Variants in KIF25 observed in about 807,000 individuals in gnomAD.
KIF25 encodes the protein kinesin-like protein KIF25.
Under a neutral mutation model 32.9 loss-of-function variants are expected in KIF25, and 19 were observed. The observed-to-expected ratio is 0.58, with a 90% CI of 0.40 to 0.85. The LOEUF is 0.85. KIF25 is among the 40% of genes least tolerant of loss of function. The pLI is 0.00. For synonymous variants in KIF25, 225 were observed against 213.7 expected (o/e 1.05, Z -0.46); for missense variants, 485 against 507.0 (o/e 0.96, Z 0.42).
chr6:168,026,212 G>A (rs964604039), intron 5 of KIF25, among the ~76,000 whole-genome samples: 5 of 152,192 alleles, frequency 3.3e-5, no homozygotes, highest in African/African-American at 2.4e-5. Context: ...CTCGGGGATC[G>A]TGTGACCTTG....
chr6:168,016,715 A>C (rs1798719421), intron 4 of KIF25, among the ~76,000 whole-genome samples: 1 of 152,218 alleles, frequency 6.6e-6, no homozygotes, highest in Non-Finnish European at 1.5e-5. Context: ...TGCATTTGAG[A>C]AAGATTTCTA....
At chr6:168,020,992 T>C (rs923110241) in intron 5 of KIF25, among the ~76,000 whole-genome samples, 1 of 152,178 alleles carries the variant, frequency 6.6e-6, no homozygotes, top group Non-Finnish European at 1.5e-5. Context: ...TGATAAAATT[T>C]ATATGGAAAG....
Position 168,027,382 on chromosome 6 carries a change from A to T in KIF25, c.-94-2110A>T, listed in dbSNP as rs62426269. Among the ~76,000 whole-genome samples, 857 of 148,682 alleles carry T rather than the reference A, an allele frequency of 5.8e-3. 7 individuals are homozygous for T. The Middle Eastern group carries it at 0.062, about 11-fold the overall frequency. On this transcript the variant is annotated intron_variant, in intron 5 of 12. Transcript: ENST00000643607. ...GCAGGGAGAATCGATTGAACCAAGG[A>T]GACAGAGGTTGCAGTGAGCTGAGAT...
chr6:168,016,022 G>C (rs1007898970), intron 4 of KIF25, among the ~76,000 whole-genome samples: 9 of 152,164 alleles, frequency 5.9e-5, no homozygotes, highest in Non-Finnish European at 1.0e-4. Flanking sequence ...GTTCATACTG[G>C]AGCACTAGGA....
intron 8 of KIF25, among the ~76,000 whole-genome samples, chr6:168,037,484 G>A (rs1203278215): frequency 6.6e-6 from 1 of 152,240 alleles, no homozygotes; most frequent in African/African-American, 2.4e-5. Context: ...GTAGAGAGGC[G>A]GTCACCTCCA....
chr6:168,032,071 C>T (rs868820755), intron 7 of KIF25, among the ~76,000 whole-genome samples: 4 of 152,276 alleles, frequency 2.6e-5, no homozygotes, highest in Non-Finnish European at 5.9e-5. Context: ...CAGAGGAAGC[C>T]TTTAGGTAGC....
chr6:168,042,728 C>T lies in KIF25; in HGVS notation c.985+12C>T. On this transcript the variant is annotated intron_variant, in intron 12 of 12. Transcript: ENST00000643607. ...TCAGGACTGCCTCGGTAACCGTTTT[C>T]CCCAAAATGCCCCAGGATGGGGGAC... 2 of 1,602,330 alleles carry T rather than the reference C, an allele frequency of 1.2e-6. No individual in the cohort carries two copies. The highest frequency in any genetic ancestry group is 1.7e-6 in the Non-Finnish European group (2 of 1,176,262).
intron 4 of KIF25, among the ~76,000 whole-genome samples, chr6:168,013,933 TG>T (rs1422894234): frequency 6.6e-6 from 1 of 152,082 alleles, no homozygotes; most frequent in Non-Finnish European, 1.5e-5. Flanking sequence ...GGTCCTTTCT[TG>T]GGCAGAGGGA....
At chr6:168,004,992 C>G (rs541875961) in intron 4 of KIF25, among the ~76,000 whole-genome samples, 1 of 152,306 alleles carries the variant, frequency 6.6e-6, no homozygotes, top group African/African-American at 2.4e-5. Context: ...GACTGCCTGG[C>G]TTCTCTAGTA....
Position 168,042,046 on chromosome 6 carries a change from C to T in KIF25, c.724C>T (p.Gln242Ter), listed in dbSNP as rs200195050. Reference sequence around the variant, plus strand: ...GGCAGGAAGGAGCCGCAGAGCTTCTCAAGGGGCCTTGGCTCCACAGCTGGT... The same window carrying T: ...GGCAGGAAGGAGCCGCAGAGCTTCTTAAGGGGCCTTGGCTCCACAGCTGGT... ...GRAGRSRRAS[Q>*]GALAPQLVPG... Residue 242 changes from glutamine to a stop codon, truncating the protein, a stop_gained, in exon 11 of 13, where the codon CAA becomes TAA. Transcript: ENST00000643607. LOFTEE classifies it high-confidence loss of function. 3.8e-5 allele frequency: 59 copies of T among 1,551,456 alleles called. No homozygotes were observed. The highest frequency in any genetic ancestry group is 4.4e-6 in the Non-Finnish European group (5 of 1,147,170).
intron 5 of KIF25, among the ~76,000 whole-genome samples, chr6:168,019,586 CA>C (rs1469629819): frequency 2.0e-5 from 3 of 152,138 alleles, no homozygotes; most frequent in African/African-American, 7.2e-5. Flanking sequence ...AGCGAGTGGA[CA>C]GAGTGGGCTC....
intron 6 of KIF25, among the ~76,000 whole-genome samples, chr6:168,029,938 G>A (rs1303229690): frequency 2.6e-5 from 4 of 152,094 alleles, no homozygotes; most frequent in South Asian, 2.1e-4. Flanking sequence ...TCAACTGAGC[G>A]TCAGGACACA....
At chr6:168,008,731 A>T (rs1057143162) in intron 4 of KIF25, among the ~76,000 whole-genome samples, 2 of 151,992 alleles carry the variant, frequency 1.3e-5, no homozygotes, top group Admixed American at 6.5e-5. Flanking sequence ...ATTTGTTTGC[A>T]TCCTCTTCAA....
intron 11 of KIF25, 61 bp downstream of exon 11, chr6:168,042,212 A>C (rs2114915637): frequency 1.4e-6 from 2 of 1,478,060 alleles, no homozygotes; most frequent in African/African-American, 1.4e-5. Context: ...GATCTGATGG[A>C]GCTGGATGTG....
intron 2 of KIF25, 70 bp from the exon 3 acceptor site, chr6:168,002,473 C>CGT (rs1562379292): frequency 6.6e-6 from 1 of 152,304 alleles, no homozygotes; most frequent in African/African-American, 2.4e-5. Context: ...GCTCCATAAA[C>CGT]GTGTGTGTGG....
chr6:168,031,205 T>G lies in KIF25; in HGVS notation c.167+358T>G, dbSNP rs558883492. ...AAAAAATCTGTAAGGAATGTTAATGTCAGATTTAGGGACTTTTCCCTTTGG... is the reference window on the plus strand; with the variant it reads ...AAAAAATCTGTAAGGAATGTTAATGGCAGATTTAGGGACTTTTCCCTTTGG... On this transcript the variant is annotated intron_variant, in intron 7 of 12. Coordinates refer to ENST00000643607, the MANE Select transcript of KIF25 (RefSeq NM_030615.4). 6.6e-5 allele frequency among the ~76,000 whole-genome samples: 10 copies of G among 152,362 alleles called. No individual in the cohort carries two copies. In the East Asian group the frequency reaches 1.7e-3, roughly 26 times the overall value.
At chr6:168,038,504 A>G (rs1281784522) in intron 8 of KIF25, 49 bp from the exon 9 acceptor site, 4 of 1,595,216 alleles carry the variant, frequency 2.5e-6, no homozygotes, top group Non-Finnish European at 3.4e-6. Context: ...TACACTGAAA[A>G]TCACTCTGTG....
chr6:168,001,664 TGAGAAGACACCTGAGGCGTGGCCTC>T (rs1798505713), intron 2 of KIF25, among the ~76,000 whole-genome samples: 1 of 91,536 alleles, frequency 1.1e-5, no homozygotes, highest in African/African-American at 4.8e-5. Context: ...CTCGGGCAGG[TGAGAAGACACCTGAGGCGTGGCCTC>T]GGGCAGGTGA....
chr6:168,001,992 A>C lies in KIF25; in HGVS notation c.-369-551A>C, dbSNP rs369916453. ...AGAAGACACCTTCAGGCGTAGCCTC[A>C]GGCAGGTGAGAAAGACACCTGAGGC... On this transcript the variant is annotated intron_variant, in intron 2 of 12. Coordinates refer to ENST00000643607, the MANE Select transcript of KIF25 (RefSeq NM_030615.4). 1.4e-3 allele frequency among the ~76,000 whole-genome samples: 161 copies of C among 117,186 alleles called. 2 individuals are homozygous for C. Among genetic ancestry groups the C allele is most frequent in the Admixed American group, 0.013 (149 of 11,342 alleles). The allele number at this position is 117,186 out of a possible 152,430, so 76.9% of individuals were successfully genotyped here.
Sources: allele counts gnomAD v4.1 joint callset (sites outside exome capture counted in the v4.1 genomes callset), GRCh38; gene constraint gnomAD v4.1.1; transcripts MANE v1.5; gene names NCBI Gene and HGNC (gene_info 2026-07-23, HGNC 2026-07-21).